FEZ1: variants seen among roughly 807,000 people sequenced by gnomAD.
The protein encoded by FEZ1 is fasciculation and elongation protein zeta-1.
FEZ1 carries 20 observed loss-of-function variants against 49.3 expected under a neutral mutation model. The ratio of observed to expected loss-of-function variants is 0.41; its 90% CI spans 0.29 to 0.59. The LOEUF is 0.59. FEZ1 is among the 20% of genes least tolerant of loss of function. FEZ1 has a pLI of 0.36. For missense variants in FEZ1, 413 were observed against 476.0 expected (o/e 0.87, Z 1.23); for synonymous variants, 170 against 180.9 (o/e 0.94, Z 0.48).
chr11:125,469,889 T>C (rs1957168765), intron 3 of FEZ1, among the ~76,000 whole-genome samples: 1 of 152,034 alleles, frequency 6.6e-6, no homozygotes, highest in Admixed American at 6.6e-5. Context: ...TTTTTGTTTT[T>C]TTTGTTTTTG....
At chr11:125,487,913 T>C (rs201301645) in intron 2 of FEZ1, among the ~76,000 whole-genome samples, 12 of 152,192 alleles carry the variant, frequency 7.9e-5, no homozygotes, top group East Asian at 7.7e-4. Context: ...CTCTCCCAAA[T>C]ACAGTCAGGT....
intron 3 of FEZ1, among the ~76,000 whole-genome samples, chr11:125,479,698 T>C (rs1273609424): frequency 6.6e-6 from 1 of 152,212 alleles, no homozygotes; most frequent in East Asian, 1.9e-4. Context: ...CCTTCTACCA[T>C]GTGGGGACAC....
intron 2 of FEZ1, among the ~76,000 whole-genome samples, chr11:125,483,846 A>T (rs1356165134): frequency 2.0e-5 from 3 of 152,240 alleles, no homozygotes; most frequent in African/African-American, 7.2e-5. Flanking sequence ...GACTATTTAC[A>T]TCCTTAAAGT....
intron 5 of FEZ1, among the ~76,000 whole-genome samples, chr11:125,456,524 C>G (rs1037849296): frequency 2.0e-5 from 3 of 152,062 alleles, no homozygotes; most frequent in Non-Finnish European, 4.4e-5. Context: ...GGTGCTTATT[C>G]CCAAGAACTG....
intron 3 of FEZ1, among the ~76,000 whole-genome samples, chr11:125,467,105 C>T (rs1290840983): frequency 1.3e-5 from 2 of 151,224 alleles, no homozygotes; most frequent in East Asian, 3.9e-4. Context: ...ACAATCATGG[C>T]TCAATGCAGC....
rs374189532 is a variant in FEZ1 at position 125,450,865 on chromosome 11, A to G, written c.1096+1469T>C. ...ACCAAAATGGTAACCATAGTGGAGT[A>G]GACAATGAGTTATTTATTTTTCTTT... On this transcript the variant is annotated intron_variant, in intron 8 of 9. Coordinates refer to ENST00000278919, the MANE Select transcript of FEZ1 (RefSeq NM_005103.5). Among the ~76,000 whole-genome samples the G allele has an allele frequency of 4.0e-4, 61 of 152,362 alleles. No homozygotes were observed. The South Asian group carries it at 7.2e-3, about 18-fold the overall frequency.
chr11:125,450,627 T>G (rs1175423309), intron 8 of FEZ1, among the ~76,000 whole-genome samples: 1 of 152,172 alleles, frequency 6.6e-6, no homozygotes, highest in Non-Finnish European at 1.5e-5. Flanking sequence ...CTTCATAACC[T>G]ACAGGAGAAT....
At chr11:125,460,344 G>A in intron 5 of FEZ1, 154 bp downstream of exon 5, 1 of 558,936 alleles carries the variant, frequency 1.8e-6, no homozygotes, top group Non-Finnish European at 3.0e-6. Context: ...CTCTCCTGAT[G>A]CCGAGTAAGA....
chr11:125,447,397 A>C (rs1015302474), intron 9 of FEZ1, among the ~76,000 whole-genome samples: 1 of 152,240 alleles, frequency 6.6e-6, no homozygotes, highest in Non-Finnish European at 1.5e-5. Flanking sequence ...ACCTATATAC[A>C]TCAAAGAGAT....
At position 125,489,149 on chromosome 11, in the gene FEZ1, A is replaced by G; in HGVS notation, c.311+318T>C. On this transcript the variant is annotated intron_variant, in intron 2 of 9. Coordinates refer to ENST00000278919, the MANE Select transcript of FEZ1 (RefSeq NM_005103.5). This position sits in a 1 kb window ranked among gnomAD's most constrained non-coding sequence, Gnocchi z 4.2. Reference sequence around the variant, plus strand: ...ATTTTTTCTGGCCTTTATTTCTAATATCTCGCTGGATTTCCACTGATATAA... The same window carrying G: ...ATTTTTTCTGGCCTTTATTTCTAATGTCTCGCTGGATTTCCACTGATATAA... 1 of 1,032,326 alleles carries G rather than the reference A, an allele frequency of 9.7e-7. No homozygotes were observed. 63.9% of individuals were successfully genotyped at this position (1,032,326 alleles called of 1,614,324 possible). A position where few individuals can be genotyped will look rare whatever the true frequency, so the allele number is the denominator to read the frequency against.
intron 1 of FEZ1, among the ~76,000 whole-genome samples, chr11:125,491,082 G>A (rs892979116): frequency 1.3e-5 from 2 of 152,084 alleles, no homozygotes; most frequent in African/African-American, 4.8e-5. Context: ...CACACATAGA[G>A]CATATGCCTA....
chr11:125,454,015 A>C, intron 7 of FEZ1, 115 bp downstream of exon 7: 1 of 609,910 alleles, frequency 1.6e-6, no homozygotes. Context: ...AGGACCCCTA[A>C]CCCCCTAAAT....
In FEZ1 at chr11:125,470,829, CT is replaced by C. The variant is rs756117348; in HGVS notation, c.412-7260del. Among the ~76,000 whole-genome samples the C allele has an allele frequency of 2.8e-4, 42 of 152,014 alleles. No homozygotes were observed. In the East Asian group the frequency reaches 7.2e-3, roughly 26 times the overall value. The stretch of plus-strand genomic sequence containing the variant: ...ACATAGGTAAATATTTTAAAAGTAT[CT>C]TTTTTTTCCTTCTTTTGATTTTCTT... On this transcript the variant is annotated intron_variant, in intron 3 of 9. Transcript: ENST00000278919.
rs1956985330 is a variant in FEZ1, at chr11:125,454,179, A to C, written c.971T>G (p.Leu324Arg). The change falls in exon 7 of 10, where the codon CTG (leucine) becomes CGG (arginine). Residue 324 changes from leucine (L) to arginine (R), a missense_variant. By Grantham distance (102) the Leu-to-Arg change is moderately radical. Transcript: ENST00000278919. ...AAAGGTCTGGCGGATGCCACTCTGC[A>C]GAATGTTGGAGATGCCTTCCATGCT... Reference protein sequence around the residue: ...RFSMEGISNILQSGIRQTFGS... With the variant: ...RFSMEGISNIRQSGIRQTFGS... 1 of 1,613,548 alleles carries C rather than the reference A, an allele frequency of 6.2e-7. No individual in the cohort carries two copies. The highest frequency in any genetic ancestry group is 1.7e-5 in the Admixed American group (1 of 59,932).
At chr11:125,463,378 C>A in intron 4 of FEZ1, 106 bp downstream of exon 4, 2 of 704,566 alleles carry the variant, frequency 2.8e-6, no homozygotes, top group Admixed American at 2.1e-5. Flanking sequence ...ACCACATGAC[C>A]ACATATCTTT....
At chr11:125,465,844 A>G (rs776769348) in intron 3 of FEZ1, among the ~76,000 whole-genome samples, 54 of 151,674 alleles carry the variant, frequency 3.6e-4, no homozygotes, top group Non-Finnish European at 2.9e-4. Context: ...TTTTCTGTCC[A>G]TCCTGCCAGA....
At position 125,489,120 on chromosome 11, in the gene FEZ1, A is replaced by T; in HGVS notation, c.311+347T>A. ...AACATAGATTCATCCATCATGGTTA[A>T]TTAATTTTTTCTGGCCTTTATTTCT... is the stretch of plus-strand genomic sequence containing the variant. On this transcript the variant is annotated intron_variant, in intron 2 of 9. Transcript: ENST00000278919. This position sits in a 1 kb window ranked among gnomAD's most constrained non-coding sequence, Gnocchi z 4.2. 2 of 1,004,286 alleles carry T rather than the reference A, an allele frequency of 2.0e-6. No individual in the cohort carries two copies. Among genetic ancestry groups the T allele is most frequent in the Non-Finnish European group, 2.4e-6 (2 of 842,942 alleles). 62.2% of individuals were successfully genotyped at this position (1,004,286 alleles called of 1,614,324 possible). A position where few individuals can be genotyped will look rare whatever the true frequency, so the allele number is the denominator to read the frequency against.
At chr11:125,472,714 A>G (rs1332101774) in intron 3 of FEZ1, among the ~76,000 whole-genome samples, 1 of 152,184 alleles carries the variant, frequency 6.6e-6, no homozygotes, top group East Asian at 1.9e-4. Context: ...AACTTATTTT[A>G]TGACATTAGA....
In FEZ1 at chr11:125,445,624, C is replaced by T. The variant is rs1956891580; in HGVS notation, c.*471G>A. On this transcript the variant is annotated 3_prime_UTR_variant, in exon 10 of 10. Transcript: ENST00000278919. The surrounding 1 kb of genome is among the most constrained non-coding windows in gnomAD (Gnocchi z 4.4). Reference sequence around the variant, plus strand: ...CCACGACCCACAACAGGACATGCGCCCGGTCCCTAAACACAGCACTGGCTG... The same window carrying T: ...CCACGACCCACAACAGGACATGCGCTCGGTCCCTAAACACAGCACTGGCTG... 1 of 275,648 alleles carries T rather than the reference C, an allele frequency of 3.6e-6. No homozygotes were observed. The highest frequency in any genetic ancestry group is 7.1e-6 in the Non-Finnish European group (1 of 141,032). 17.1% of individuals were successfully genotyped at this position (275,648 alleles called of 1,614,324 possible).
Sources: gnomAD v4.1 joint callset for allele counts (sites outside exome capture counted in the v4.1 genomes callset) on GRCh38, gnomAD v4.1.1 for gene constraint, Gnocchi (gnomAD v3.1) non-coding constraint, MANE v1.5 for transcripts, NCBI Gene and HGNC (gene_info 2026-07-23, HGNC 2026-07-21) for gene names.